The following SH3RF3 variants were observed in gnomAD, a reference collection of about 807,000 sequenced individuals.
SH3RF3 encodes SH3 domain containing ring finger 3, also known as E3 ubiquitin-protein ligase SH3RF3.
SH3RF3 carries 29 observed loss-of-function variants against 66.3 expected under a neutral mutation model. That is an observed-to-expected ratio of 0.44 (90% CI 0.33 to 0.60). The LOEUF (loss-of-function observed/expected upper bound fraction) is 0.60. Ranked by LOEUF, SH3RF3 falls within the 20% of genes least tolerant of loss-of-function variation. The probability of loss-of-function intolerance (pLI) is 0.04; values close to 1 mark genes in which losing one functional copy is unlikely to be tolerated. For missense variants in SH3RF3, 1,194 were observed against 1,190.9 expected, an observed-to-expected ratio of 1.00 and a Z score of -0.04; for synonymous variants, 583 against 532.0, an observed-to-expected ratio of 1.10 and a Z score of -1.32.
chr2:109,378,977 G>T (rs573764183), intron 3 of SH3RF3, among the ~76,000 whole-genome samples: 1 of 152,090 alleles, frequency 6.6e-6, no homozygotes, highest in Non-Finnish European at 1.5e-5. Flanking sequence ...CCAGAACTCT[G>T]GCCTGCATCC....
chr2:109,347,992 T>A (rs777889471), intron 2 of SH3RF3, 43 bp downstream of exon 2: 2 of 1,556,764 alleles, frequency 1.3e-6, no homozygotes, highest in Non-Finnish European at 1.7e-6. Context: ...CCATGCAGCC[T>A]CTGTGCCACC....
At chr2:109,409,324 T>C (rs931457275) in intron 4 of SH3RF3, among the ~76,000 whole-genome samples, 8 of 152,064 alleles carry the variant, frequency 5.3e-5, no homozygotes, top group Admixed American at 5.2e-4. Context: ...AGATAGTAAA[T>C]AATCTAGACT....
chr2:109,218,449 C>A (rs1679152771), intron 1 of SH3RF3, among the ~76,000 whole-genome samples: 1 of 152,162 alleles, frequency 6.6e-6, no homozygotes. Flanking sequence ...CTTCAGTTTC[C>A]ACTTCCTTTC....
intron 1 of SH3RF3, among the ~76,000 whole-genome samples, chr2:109,306,416 G>T (rs1032062062): frequency 1.8e-4 from 28 of 152,228 alleles, no homozygotes; most frequent in African/African-American, 6.5e-4. Flanking sequence ...CGGGGCTTCC[G>T]ATTCCATCCT....
chr2:109,309,768 A>T (rs1205950641), intron 1 of SH3RF3, among the ~76,000 whole-genome samples: 1 of 125,196 alleles, frequency 8.0e-6, no homozygotes, highest in East Asian at 2.2e-4. Context: ...TGGTAAAGGG[A>T]TCAATTCAAC....
intron 2 of SH3RF3, among the ~76,000 whole-genome samples, chr2:109,354,537 T>C (rs1682906599): frequency 6.6e-6 from 1 of 152,210 alleles, no homozygotes. Context: ...TGGATGTGGG[T>C]TTATCCAGAG....
At chr2:109,271,623 C>G (rs1405973117) in intron 1 of SH3RF3, among the ~76,000 whole-genome samples, 1 of 152,158 alleles carries the variant, frequency 6.6e-6, no homozygotes, top group Non-Finnish European at 1.5e-5. Flanking sequence ...GGGGTGAGGC[C>G]CCGTGTGGTT....
At chr2:109,275,007 C>T (rs1322787163) in intron 1 of SH3RF3, among the ~76,000 whole-genome samples, 1 of 152,144 alleles carries the variant, frequency 6.6e-6, no homozygotes, top group Non-Finnish European at 1.5e-5. Context: ...TAGTTCTAAG[C>T]ACCATTTATA....
At chr2:109,213,024 A>G (rs565299281) in intron 1 of SH3RF3, among the ~76,000 whole-genome samples, 5 of 152,366 alleles carry the variant, frequency 3.3e-5, no homozygotes, top group Admixed American at 3.3e-4. Flanking sequence ...GCAGCAGGGT[A>G]GGAGTGCACT....
intron 1 of SH3RF3, among the ~76,000 whole-genome samples, chr2:109,325,571 A>G (rs1682134646): frequency 6.6e-6 from 1 of 151,834 alleles, no homozygotes; most frequent in African/African-American, 2.4e-5. Flanking sequence ...ATCCCTTAAT[A>G]TGGCTGCTCT....
chr2:109,489,479 C>T (rs1332766214), intron 8 of SH3RF3, among the ~76,000 whole-genome samples: 1 of 152,238 alleles, frequency 6.6e-6, no homozygotes, highest in East Asian at 1.9e-4. Flanking sequence ...ACCTGTCCTA[C>T]AAAGTCCACT....
At chr2:109,137,485 G>A (rs755732781) in intron 1 of SH3RF3, among the ~76,000 whole-genome samples, 6 of 152,192 alleles carry the variant, frequency 3.9e-5, no homozygotes, top group Non-Finnish European at 7.3e-5. Context: ...TTGCTGCTGT[G>A]GCTAGGACGA....
chr2:109,398,795 C>A lies in SH3RF3; in HGVS notation c.1151C>A (p.Ala384Glu). ...ACCAAGAAACGCCACTCCTTCACCG[C>A]GCTCAGTGTGACGCACAGATCCTCC... is the stretch of plus-strand genomic sequence containing the variant. ...KNTKKRHSFT[A>E]LSVTHRSSQA... is the part of the protein sequence containing the mutation. Residue 384 changes from alanine (A) to glutamate (E), a missense_variant, in exon 4 of 10, where the codon GCG becomes GAG. Ala to Glu is a moderately radical substitution (Grantham distance 107, BLOSUM62 -1). Transcript: ENST00000309415. 6.2e-7 allele frequency: 1 copy of A among 1,613,816 alleles called. No individual in the cohort carries two copies. Among genetic ancestry groups the A allele is most frequent in the Non-Finnish European group, 8.5e-7 (1 of 1,179,824 alleles).
intron 7 of SH3RF3, among the ~76,000 whole-genome samples, chr2:109,443,239 G>A (rs1677618407): frequency 6.6e-6 from 1 of 152,276 alleles, no homozygotes; most frequent in African/African-American, 2.4e-5. Context: ...GAAGGATTAA[G>A]TGGCTGACCT....
chr2:109,467,736 G>T (rs1678392495), intron 8 of SH3RF3, among the ~76,000 whole-genome samples: 1 of 152,206 alleles, frequency 6.6e-6, no homozygotes, highest in Non-Finnish European at 1.5e-5. Flanking sequence ...GTTTGAAGCA[G>T]CTCCTCTCTG....
At chr2:109,320,104 CA>C (rs1243182369) in intron 1 of SH3RF3, among the ~76,000 whole-genome samples, 1 of 152,186 alleles carries the variant, frequency 6.6e-6, no homozygotes, top group East Asian at 1.9e-4. Flanking sequence ...GGCCTGGAAC[CA>C]AGTCCTACTA....
chr2:109,224,951 C>T (rs962428781), intron 1 of SH3RF3, among the ~76,000 whole-genome samples: 4 of 152,152 alleles, frequency 2.6e-5, no homozygotes, highest in Non-Finnish European at 4.4e-5. Flanking sequence ...AGCTAGAGAA[C>T]TGCAGCATAA....
At chr2:109,250,941 C>G (rs895913628) in intron 1 of SH3RF3, among the ~76,000 whole-genome samples, 1 of 151,744 alleles carries the variant, frequency 6.6e-6, no homozygotes, top group Non-Finnish European at 1.5e-5. Context: ...TCTAAATTAA[C>G]GTTGTTTAGG....
intron 8 of SH3RF3, among the ~76,000 whole-genome samples, chr2:109,475,473 C>T (rs1013174226): frequency 2.0e-5 from 3 of 152,218 alleles, no homozygotes; most frequent in African/African-American, 7.2e-5. Context: ...AGGAATGGGT[C>T]GAGAGGCAGC....
Sources: allele counts gnomAD v4.1 joint callset (sites outside exome capture counted in the v4.1 genomes callset), GRCh38; gene constraint gnomAD v4.1.1; transcripts MANE v1.5; gene names NCBI Gene and HGNC (gene_info 2026-07-23, HGNC 2026-07-21).